The following SYT9 variants were observed in gnomAD, a reference collection of about 807,000 sequenced individuals.
The protein encoded by SYT9 is synaptotagmin-9.
Under a neutral mutation model 48.4 loss-of-function variants are expected in SYT9, and 22 were observed. That is an observed-to-expected ratio of 0.45 (90% CI 0.32 to 0.65). The LOEUF (loss-of-function observed/expected upper bound fraction) is 0.65. Ranked by LOEUF, SYT9 falls within the 30% of genes least tolerant of loss-of-function variation. The probability of loss-of-function intolerance (pLI) is 0.03; values close to 1 mark genes in which losing one functional copy is unlikely to be tolerated. For synonymous variants in SYT9, 265 were observed against 245.0 expected, an observed-to-expected ratio of 1.08 and a Z score of -0.76; for missense variants, 577 against 622.0, an observed-to-expected ratio of 0.93 and a Z score of 0.77.
intron 3 of SYT9, among the ~76,000 whole-genome samples, chr11:7,357,271 C>G (rs529713197): frequency 6.6e-6 from 1 of 152,128 alleles, no homozygotes; most frequent in Admixed American, 6.5e-5. Flanking sequence ...AACCCTTTAC[C>G]TATTATGTAA....
intron 1 of SYT9, among the ~76,000 whole-genome samples, chr11:7,255,908 A>G (rs1036709620): frequency 6.6e-6 from 1 of 152,078 alleles, no homozygotes; most frequent in Admixed American, 6.6e-5. Context: ...TTAACTGGAG[A>G]CTTCGCTGTC....
chr11:7,412,858 C>G (rs937092936), intron 3 of SYT9, among the ~76,000 whole-genome samples: 2 of 152,146 alleles, frequency 1.3e-5, no homozygotes, highest in African/African-American at 4.8e-5. Context: ...TGGTGGTTAT[C>G]AGGGGGTTGA....
intron 3 of SYT9, among the ~76,000 whole-genome samples, chr11:7,333,356 A>C (rs1308619020): frequency 6.6e-6 from 1 of 152,180 alleles, no homozygotes; most frequent in Non-Finnish European, 1.5e-5. Context: ...TGCTGGATCA[A>C]GGGTCAGTCT....
chr11:7,420,346 C>T (rs889118940), intron 5 of SYT9, among the ~76,000 whole-genome samples, 160 bp from the exon 6 acceptor site: 1 of 152,140 alleles, frequency 6.6e-6, no homozygotes, highest in East Asian at 1.9e-4. Flanking sequence ...GTCCTATTGG[C>T]CGTGAAGCTT....
chr11:7,324,290 T>G (rs1030692112), intron 3 of SYT9, among the ~76,000 whole-genome samples: 4 of 151,960 alleles, frequency 2.6e-5, no homozygotes, highest in Non-Finnish European at 5.9e-5. Context: ...ATAGATTATT[T>G]ATCCCTGTTC....
At chr11:7,316,668 A>G (rs1849248991) in intron 3 of SYT9, among the ~76,000 whole-genome samples, 3 of 152,206 alleles carry the variant, frequency 2.0e-5, no homozygotes, top group South Asian at 2.1e-4. Context: ...GATAGAGGTA[A>G]GGTATACATG....
intron 1 of SYT9, among the ~76,000 whole-genome samples, chr11:7,263,283 G>C (rs555996105): frequency 1.3e-3 from 191 of 152,258 alleles, no homozygotes; most frequent in Middle Eastern, 3.4e-3. Context: ...AGGTGAGGGC[G>C]TGTTCCTCAT....
intron 6 of SYT9, among the ~76,000 whole-genome samples, chr11:7,430,281 T>C (rs1391304772): frequency 6.6e-6 from 1 of 152,208 alleles, no homozygotes; most frequent in Non-Finnish European, 1.5e-5. Flanking sequence ...ATCAAAATGC[T>C]TGAAATAAAG....
At chr11:7,404,693 A>T (rs933114726) in intron 3 of SYT9, among the ~76,000 whole-genome samples, 1 of 152,166 alleles carries the variant, frequency 6.6e-6, no homozygotes, top group Admixed American at 6.6e-5. Flanking sequence ...TGTTTGGATT[A>T]TGTGCATATC....
intron 3 of SYT9, among the ~76,000 whole-genome samples, chr11:7,397,652 C>T (rs151186598): frequency 1.7e-4 from 26 of 152,148 alleles, no homozygotes; most frequent in African/African-American, 6.3e-4. Flanking sequence ...AATCCATGAG[C>T]ATGGAAACTC....
intron 6 of SYT9, among the ~76,000 whole-genome samples, chr11:7,448,887 G>C (rs756614407): frequency 6.6e-6 from 1 of 152,134 alleles, no homozygotes; most frequent in Non-Finnish European, 1.5e-5. Flanking sequence ...CAGTTGACTG[G>C]GGTGGGGCAG....
At chr11:7,243,294 CTAAA>C (rs1364737941) in intron 1 of SYT9, among the ~76,000 whole-genome samples, 2 of 152,144 alleles carry the variant, frequency 1.3e-5, no homozygotes, top group Admixed American at 6.5e-5. Flanking sequence ...TTATTGTTCA[CTAAA>C]TAAACTTTTA....
intron 6 of SYT9, among the ~76,000 whole-genome samples, chr11:7,460,817 A>G (rs941825232): frequency 2.6e-5 from 4 of 152,206 alleles, no homozygotes; most frequent in African/African-American, 9.6e-5. Context: ...ATCATTTATA[A>G]TTCTTATTTG....
At chr11:7,336,234 AT>A (rs1474736370) in intron 3 of SYT9, among the ~76,000 whole-genome samples, 1 of 151,990 alleles carries the variant, frequency 6.6e-6, no homozygotes, top group Non-Finnish European at 1.5e-5. Context: ...TAAATGCTGG[AT>A]ATTAGACCTT....
intron 3 of SYT9, among the ~76,000 whole-genome samples, chr11:7,392,901 G>C (rs528036513): frequency 6.7e-4 from 102 of 152,168 alleles, no homozygotes; most frequent in African/African-American, 2.3e-3. Context: ...TGCTCAGCTT[G>C]AACATTATTG....
chr11:7,398,998 G>A (rs1296547744), intron 3 of SYT9, among the ~76,000 whole-genome samples: 1 of 152,044 alleles, frequency 6.6e-6, no homozygotes, highest in Non-Finnish European at 1.5e-5. Flanking sequence ...ATAGGGCCAA[G>A]ACATATGTTT....
chr11:7,432,579 AAAAATATATATACATATATATAT>A lies in SYT9; in HGVS notation c.1467+11946_1467+11968del, dbSNP rs1564902038. On this transcript the variant is annotated intron_variant, in intron 6 of 6. Coordinates refer to ENST00000318881, the MANE Select transcript of SYT9 (RefSeq NM_175733.4). ...AAAAAAAAAAAAAAAAAAAAAAAAA[AAAAATATATATACATATATATAT>A]ATATATATATATATATATATATATA... 3.8e-3 allele frequency among the ~76,000 whole-genome samples: 27 copies of A among 7,154 alleles called. 1 individual carries two copies. Among genetic ancestry groups the A allele is most frequent in the Admixed American group, 0.01 (5 of 500 alleles). 4.7% of individuals were successfully genotyped at this position (7,154 alleles called of 152,430 possible).
intron 6 of SYT9, among the ~76,000 whole-genome samples, chr11:7,424,442 G>A (rs924576225): frequency 3.9e-5 from 6 of 152,124 alleles, no homozygotes; most frequent in South Asian, 2.1e-4. Flanking sequence ...AGATGGTTTC[G>A]GCCTGGCCAT....
At chr11:7,250,247 T>C (rs1163987102), upstream of SYT9, among the ~76,000 whole-genome samples, 2 of 152,230 alleles carry the variant, frequency 1.3e-5, no homozygotes, top group Non-Finnish European at 2.9e-5. Context: ...ACTTGAAATG[T>C]TTTTCAAATT....
Sources: allele counts gnomAD v4.1 joint callset (sites outside exome capture counted in the v4.1 genomes callset), GRCh38; gene constraint gnomAD v4.1.1; transcripts MANE v1.5; gene names NCBI Gene and HGNC (gene_info 2026-07-23, HGNC 2026-07-21).